The following C2orf80 variants were observed in gnomAD, a reference collection of about 807,000 sequenced individuals.
The protein encoded by C2orf80 is chromosome 2 open reading frame 80.
C2orf80 carries 28 observed loss-of-function variants against 30.2 expected under a neutral mutation model. The ratio of observed to expected loss-of-function variants is 0.93; its 90% CI spans 0.69 to 1.27. The LOEUF is 1.27. Among genes scored for constraint, C2orf80 ranks in the 50% most tolerant of loss-of-function variants. C2orf80 has a pLI of 0.00. For missense variants in C2orf80, 220 were observed against 231.0 expected, an observed-to-expected ratio of 0.95 and a Z score of 0.31; for synonymous variants, 80 against 76.4, an observed-to-expected ratio of 1.05 and a Z score of -0.24.
chr2:208,175,048 G>C (rs966445126), intron 6 of C2orf80, among the ~76,000 whole-genome samples: 8 of 152,274 alleles, frequency 5.3e-5, no homozygotes, highest in Middle Eastern at 3.4e-3. Flanking sequence ...TGGAGGCCGA[G>C]GGGGGTGGGT....
chr2:208,173,540 G>C (rs752815709), intron 6 of C2orf80, among the ~76,000 whole-genome samples: 1 of 152,070 alleles, frequency 6.6e-6, no homozygotes, highest in Non-Finnish European at 1.5e-5. Flanking sequence ...CAGGAGAATG[G>C]TGTGAACCCG....
At chr2:208,181,881 G>A (rs139897317) in intron 4 of C2orf80, among the ~76,000 whole-genome samples, 297 of 152,256 alleles carry the variant, frequency 2.0e-3, no homozygotes, top group African/African-American at 6.9e-3. Context: ...TGAGGAAATG[G>A]AGTCAGGAGG....
intron 6 of C2orf80, among the ~76,000 whole-genome samples, chr2:208,176,973 A>ATGTGTACATATCCG (rs56730997): frequency 2.2e-5 from 2 of 92,240 alleles, no homozygotes; most frequent in Admixed American, 1.0e-4. Context: ...ATGTATACAT[A>ATGTGTACATATCCG]TATACAGAAA....
intron 8 of C2orf80, among the ~76,000 whole-genome samples, chr2:208,170,112 G>A (rs548601831): frequency 1.3e-5 from 2 of 152,278 alleles, no homozygotes; most frequent in South Asian, 4.1e-4. Context: ...TCATAAGTCA[G>A]TATATCAGTT....
intron 6 of C2orf80, among the ~76,000 whole-genome samples, chr2:208,173,591 C>G (rs1260776019): frequency 1.3e-5 from 2 of 151,288 alleles, no homozygotes; most frequent in African/African-American, 2.4e-5. Context: ...TGCCACTGCA[C>G]TCCAGCCTGG....
At chr2:208,172,360 C>T (rs542648945) in intron 6 of C2orf80, among the ~76,000 whole-genome samples, 1 of 152,284 alleles carries the variant, frequency 6.6e-6, no homozygotes, top group East Asian at 1.9e-4. Flanking sequence ...CCATTTCCTC[C>T]TTTTCTGCCT....
chr2:208,172,887 C>T lies in C2orf80; in HGVS notation c.367-812G>A, dbSNP rs985572110. 3.6e-4 allele frequency among the ~76,000 whole-genome samples: 54 copies of T among 151,966 alleles called. 2 individuals are homozygous for T. The highest frequency in any genetic ancestry group is 1.0e-4 in the Non-Finnish European group (7 of 67,958). ...ATCCCAGCTCTTTGGGAGGCTGAGGCGGGTGAATCATCTGAGGTCAGGAGT... is the reference window on the plus strand; with the variant it reads ...ATCCCAGCTCTTTGGGAGGCTGAGGTGGGTGAATCATCTGAGGTCAGGAGT... On this transcript the variant is annotated intron_variant, in intron 6 of 8. Coordinates refer to ENST00000341287, the MANE Select transcript of C2orf80 (RefSeq NM_001099334.3).
At chr2:208,166,436 T>A (rs980299725) in intron 8 of C2orf80, among the ~76,000 whole-genome samples, 1 of 152,250 alleles carries the variant, frequency 6.6e-6, no homozygotes, top group African/African-American at 2.4e-5. Flanking sequence ...TAAAAAGTTA[T>A]ACTTCTCTTA....
intron 8 of C2orf80, among the ~76,000 whole-genome samples, chr2:208,170,212 C>A (rs1696050796): frequency 6.6e-6 from 1 of 152,108 alleles, no homozygotes; most frequent in South Asian, 2.1e-4. Flanking sequence ...ATCCCAGAAT[C>A]CCAGACACCC....
intron 2 of C2orf80, among the ~76,000 whole-genome samples, chr2:208,185,658 G>A (rs1696696769): frequency 6.6e-6 from 1 of 152,092 alleles, no homozygotes; most frequent in African/African-American, 2.4e-5. Context: ...AATAGGTGCA[G>A]GAAAAGAAGG....
rs547568116 is a variant in C2orf80, at chr2:208,165,416, C to A, written c.*391G>T. ...CATATGAGAACACAGTAAAGGCAAT[C>A]AATGACAGATTAATTTTATTTTGGA... is the stretch of plus-strand genomic sequence containing the variant. On this transcript the variant is annotated 3_prime_UTR_variant, in exon 9 of 9. Transcript: ENST00000341287. 1.1e-3 allele frequency: 192 copies of A among 174,834 alleles called. 1 individual carries two copies. The highest frequency in any genetic ancestry group is 2.8e-3 in the Admixed American group (49 of 17,306). 10.8% of individuals were successfully genotyped at this position (174,834 alleles called of 1,614,324 possible). A position where few individuals can be genotyped will look rare whatever the true frequency, so the allele number is the denominator to read the frequency against.
chr2:208,168,846 C>T (rs1196010188), intron 8 of C2orf80, among the ~76,000 whole-genome samples: 2 of 147,286 alleles, frequency 1.4e-5, no homozygotes, highest in African/African-American at 5.1e-5. Context: ...CACTCCTGGG[C>T]TCGCAAGCAT....
intron 8 of C2orf80, among the ~76,000 whole-genome samples, chr2:208,167,410 T>G (rs2105887705): frequency 6.6e-6 from 1 of 151,250 alleles, no homozygotes; most frequent in African/African-American, 2.4e-5. Context: ...TAATCCCAGC[T>G]ACTCAGGAGA....
chr2:208,175,970 C>A (rs1225465079), intron 6 of C2orf80, among the ~76,000 whole-genome samples: 1 of 152,102 alleles, frequency 6.6e-6, no homozygotes, highest in African/African-American at 2.4e-5. Flanking sequence ...GTGAGGCTCA[C>A]GGGGCAGATC....
chr2:208,177,166 T>C (rs1301877265), intron 6 of C2orf80, among the ~76,000 whole-genome samples: 3 of 112,706 alleles, frequency 2.7e-5, no homozygotes, highest in East Asian at 5.3e-4. Context: ...TGTGTGCATA[T>C]ATATGTGTAT....
intron 6 of C2orf80, among the ~76,000 whole-genome samples, chr2:208,174,545 C>T (rs953337102): frequency 6.6e-6 from 1 of 152,196 alleles, no homozygotes; most frequent in Non-Finnish European, 1.5e-5. Flanking sequence ...GTGCTCGATA[C>T]GTGCAGTCTC....
chr2:208,174,407 G>A (rs1302457737), intron 6 of C2orf80, among the ~76,000 whole-genome samples: 1 of 152,202 alleles, frequency 6.6e-6, no homozygotes, highest in Non-Finnish European at 1.5e-5. Flanking sequence ...AAGTGTGAGA[G>A]GGTGGAAGCC....
chr2:208,183,104 T>A, intron 3 of C2orf80, 57 bp from the exon 4 acceptor site: 1 of 1,387,154 alleles, frequency 7.2e-7, no homozygotes. Context: ...GCCGAAGTAC[T>A]CCCTGGACCC....
chr2:208,187,972 G>C (rs931916468), intron 1 of C2orf80, among the ~76,000 whole-genome samples: 1 of 152,072 alleles, frequency 6.6e-6, no homozygotes, highest in Non-Finnish European at 1.5e-5. Flanking sequence ...CCCTGAGTCT[G>C]CTGGCAGCTG....
Sources: allele counts gnomAD v4.1 joint callset (sites outside exome capture counted in the v4.1 genomes callset), GRCh38; gene constraint gnomAD v4.1.1; transcripts MANE v1.5; gene names NCBI Gene and HGNC (gene_info 2026-07-23, HGNC 2026-07-21).